CAPZB: variants seen among roughly 807,000 people sequenced by gnomAD.
The protein encoded by CAPZB is F-actin-capping protein subunit beta.
In CAPZB, 2 loss-of-function variants were observed where a neutral mutation model predicts 38.1. The observed-to-expected ratio is 0.05, with a 90% CI of 0.02 to 0.17. The LOEUF (loss-of-function observed/expected upper bound fraction) is 0.17, where lower values mean the gene tolerates loss of function less well. Ranked by LOEUF, CAPZB falls within the 10% of genes least tolerant of loss-of-function variation. The pLI is 1.00. For missense variants in CAPZB, 161 were observed against 334.2 expected, an observed-to-expected ratio of 0.48 and a Z score of 4.04; for synonymous variants, 107 against 127.4, an observed-to-expected ratio of 0.84 and a Z score of 1.08.
intron 2 of CAPZB, among the ~76,000 whole-genome samples, chr1:19,406,330 A>G (rs2094332006): frequency 1.3e-5 from 2 of 152,160 alleles, no homozygotes; most frequent in African/African-American, 4.8e-5. Context: ...GGCAGCTGGC[A>G]GCTGGGATGT....
intron 1 of CAPZB, among the ~76,000 whole-genome samples, chr1:19,461,943 C>T (rs542651852): frequency 2.6e-5 from 4 of 152,176 alleles, no homozygotes; most frequent in Non-Finnish European, 5.9e-5. Flanking sequence ...CTCTGGCACA[C>T]AGCAATGAAT....
rs561851260 is a variant in CAPZB at position 19,431,356 on chromosome 1, A to G, written c.4-11606T>C. Among the ~76,000 whole-genome samples the G allele has an allele frequency of 1.5e-3, 226 of 152,376 alleles. 1 individual carries two copies. The highest frequency in any genetic ancestry group is 1.3e-3 in the Non-Finnish European group (90 of 68,040). The stretch of plus-strand genomic sequence containing the variant: ...ATCCAAAATGCTTCTGGTCCCAAGC[A>G]TTTCGGATAAGAAACCTGTAGTTTA... On this transcript the variant is annotated intron_variant, in intron 1 of 8. Transcript: ENST00000264202.
chr1:19,412,046 C>T (rs1043500477), intron 2 of CAPZB, among the ~76,000 whole-genome samples: 1 of 152,218 alleles, frequency 6.6e-6, no homozygotes, highest in Non-Finnish European at 1.5e-5. Context: ...GAGCAAAAGG[C>T]TCACGTGAAA....
chr1:19,442,437 T>C (rs1055270108), intron 1 of CAPZB, among the ~76,000 whole-genome samples: 3 of 152,170 alleles, frequency 2.0e-5, no homozygotes, highest in Non-Finnish European at 2.9e-5. Context: ...GGGCTCATTA[T>C]ATCACGTGCT....
intron 2 of CAPZB, among the ~76,000 whole-genome samples, chr1:19,418,445 C>G (rs1015313646): frequency 6.6e-6 from 1 of 152,164 alleles, no homozygotes; most frequent in African/African-American, 2.4e-5. Context: ...CCTGAAATGT[C>G]GACTGTCTGG....
At chr1:19,359,207 AC>A (rs2094038657) in intron 4 of CAPZB, among the ~76,000 whole-genome samples, 2 of 106,380 alleles carry the variant, frequency 1.9e-5, no homozygotes, top group African/African-American at 7.3e-5. Flanking sequence ...AATTCTCTGT[AC>A]TCTTTTTTTT....
intron 2 of CAPZB, among the ~76,000 whole-genome samples, chr1:19,406,711 G>A (rs977800758): frequency 6.6e-6 from 1 of 152,170 alleles, no homozygotes; most frequent in East Asian, 1.9e-4. Context: ...GGGCATAAAA[G>A]ATCAACCTTG....
Position 19,350,900 on chromosome 1 carries a change from G to A in CAPZB, c.589-5648C>T, listed in dbSNP as rs528507492. Among the ~76,000 whole-genome samples the A allele has an allele frequency of 6.8e-4, 104 of 152,248 alleles. 1 individual carries two copies. The highest frequency in any genetic ancestry group is 2.3e-3 in the African/African-American group (97 of 41,514). ...CCCAGTGTTGGGATTACAGGCATGA[G>A]CCATCGCGCCTGGCAAAAGTTATTA... On this transcript the variant is annotated intron_variant, in intron 6 of 8. Coordinates refer to ENST00000264202, the MANE Select transcript of CAPZB (RefSeq NM_004930.5).
chr1:19,441,150 T>C (rs2094475172), intron 1 of CAPZB, among the ~76,000 whole-genome samples: 1 of 152,214 alleles, frequency 6.6e-6, no homozygotes, highest in South Asian at 2.1e-4. Context: ...ATACATCATA[T>C]AAACGTAAGC....
chr1:19,472,537 T>C (rs1049855942), intron 1 of CAPZB, among the ~76,000 whole-genome samples: 1 of 152,026 alleles, frequency 6.6e-6, no homozygotes, highest in Non-Finnish European at 1.5e-5. Context: ...TTCCAGAGTC[T>C]GCCTGGATGT....
chr1:19,466,543 C>T (rs2094569811), intron 1 of CAPZB, among the ~76,000 whole-genome samples: 2 of 152,134 alleles, frequency 1.3e-5, no homozygotes, highest in African/African-American at 4.8e-5. Flanking sequence ...TCACTCAAAA[C>T]GTGTGAGCCT....
In CAPZB at chr1:19,411,128, G is replaced by C. The variant is rs187643636; in HGVS notation, c.93+8533C>G. On this transcript the variant is annotated intron_variant, in intron 2 of 8. Coordinates refer to ENST00000264202, the MANE Select transcript of CAPZB (RefSeq NM_004930.5). ...GGAGGCCAAGGTGGAAGGACTGCTT[G>C]AGTGTGGAAGGACTGCTTGAGTTCA... Among the ~76,000 whole-genome samples the C allele has an allele frequency of 3.3e-5, 5 of 152,280 alleles. No homozygotes were observed. The East Asian group carries it at 9.6e-4, about 29-fold the overall frequency.
At chr1:19,381,715 CAG>C (rs1455403794) in intron 3 of CAPZB, among the ~76,000 whole-genome samples, 3 of 104,418 alleles carry the variant, frequency 2.9e-5, no homozygotes, top group African/African-American at 7.6e-5. Flanking sequence ...TTTTTTGAGA[CAG>C]AGTCTCACTC....
chr1:19,340,779 A>G (rs537203149), intron 8 of CAPZB, among the ~76,000 whole-genome samples: 26 of 152,236 alleles, frequency 1.7e-4, no homozygotes, highest in Non-Finnish European at 3.1e-4. Flanking sequence ...GCAATTCTTT[A>G]ATCATTTTGT....
intron 4 of CAPZB, among the ~76,000 whole-genome samples, chr1:19,359,483 G>A (rs529352421): frequency 1.4e-4 from 22 of 152,272 alleles, no homozygotes; most frequent in Non-Finnish European, 2.2e-4. Context: ...GGCAGGCTGC[G>A]GCCAGCCCCT....
chr1:19,405,805 C>T (rs1046538665), intron 2 of CAPZB, among the ~76,000 whole-genome samples: 5 of 152,226 alleles, frequency 3.3e-5, no homozygotes, highest in Admixed American at 6.5e-5. Context: ...ACAGCACTCC[C>T]GCCGCCACCA....
chr1:19,448,872 G>A, intron 1 of CAPZB: 1 of 1,612,934 alleles, frequency 6.2e-7, no homozygotes, highest in Non-Finnish European at 8.5e-7. Flanking sequence ...GGCTGGCCAA[G>A]GCCTGGGCGA....
At chr1:19,477,611 C>G (rs1280812474) in intron 1 of CAPZB, among the ~76,000 whole-genome samples, 1 of 152,208 alleles carries the variant, frequency 6.6e-6, no homozygotes, top group Admixed American at 6.5e-5. Context: ...GACGGAGAAG[C>G]CTTCAGCAGC....
Position 19,339,263 on chromosome 1 carries a change from CG to C in CAPZB, c.*266del, listed in dbSNP as rs577553551. ...ATAAATGGGGGGACAGGGAGGAAGA[CG>C]GGGGGCCCGGGTGAACAAAAACCAC... On this transcript the variant is annotated 3_prime_UTR_variant, in exon 9 of 9. Coordinates refer to ENST00000264202, the MANE Select transcript of CAPZB (RefSeq NM_004930.5). 2 of 464,898 alleles carry C rather than the reference CG, an allele frequency of 4.3e-6. No homozygotes were observed. The highest frequency in any genetic ancestry group is 2.0e-5 in the African/African-American group (1 of 50,108). The allele number at this position is 464,898 out of a possible 1,614,324, so 28.8% of individuals were successfully genotyped here.
Sources: gnomAD v4.1 joint callset for allele counts (sites outside exome capture counted in the v4.1 genomes callset) on GRCh38, gnomAD v4.1.1 for gene constraint, MANE v1.5 for transcripts, NCBI Gene and HGNC (gene_info 2026-07-23, HGNC 2026-07-21) for gene names.